KIAA0586: variants seen among roughly 807,000 people sequenced by gnomAD.
The protein encoded by KIAA0586 is KIAA0586.
A neutral mutation model predicts 169.8 loss-of-function variants in KIAA0586; 144 were observed. The observed-to-expected ratio is 0.85, with a 90% CI of 0.74 to 0.97. The LOEUF (loss-of-function observed/expected upper bound fraction) is 0.97. Among genes scored for constraint, KIAA0586 ranks in the 50% least tolerant of loss-of-function variants. The pLI is 0.00. For synonymous variants in KIAA0586, 625 were observed against 612.4 expected, an observed-to-expected ratio of 1.02 and a Z score of -0.30; for missense variants, 1,854 against 1,823.0, an observed-to-expected ratio of 1.02 and a Z score of -0.31.
chr14:58,492,591 C>T (rs920610680), intron 26 of KIAA0586, among the ~76,000 whole-genome samples: 1 of 152,146 alleles, frequency 6.6e-6, no homozygotes, highest in African/African-American at 2.4e-5. Flanking sequence ...AGACATGACC[C>T]CTACCTTTAA....
intron 28 of KIAA0586, among the ~76,000 whole-genome samples, chr14:58,512,147 G>A (rs2141475257): frequency 6.6e-6 from 1 of 152,274 alleles, no homozygotes; most frequent in South Asian, 2.1e-4. Flanking sequence ...TATGCAAAAA[G>A]TGGTTATATG....
intron 30 of KIAA0586, among the ~76,000 whole-genome samples, chr14:58,543,363 A>G (rs1006992758): frequency 6.6e-6 from 1 of 152,156 alleles, no homozygotes; most frequent in Non-Finnish European, 1.5e-5. Context: ...ATGTGTGGCC[A>G]GTGAGGTTAG....
chr14:58,508,692 G>T lies in KIAA0586; in HGVS notation c.4306G>T (p.Ala1436Ser). ...AAATGATGTTAATTTACCAGTAGCCGCTGAAGATTTTTCCCAGGTACCAAA... is the reference window on the plus strand; with the variant it reads ...AAATGATGTTAATTTACCAGTAGCCTCTGAAGATTTTTCCCAGGTACCAAA... ...QENDVNLPVA[A>S]EDFSQYQLKQ... is the part of the protein sequence containing the mutation. The change falls in exon 28 of 31, where the codon GCT becomes TCT. Residue 1436 changes from alanine to serine, a missense_variant. By Grantham distance (99) the Ala-to-Ser change is moderately conservative. Coordinates refer to ENST00000652326, the MANE Select transcript of KIAA0586 (RefSeq NM_001329943.3). 1 of 1,586,948 alleles carries T rather than the reference G, an allele frequency of 6.3e-7. No individual in the cohort carries two copies. Among genetic ancestry groups the T allele is most frequent in the Non-Finnish European group, 8.6e-7 (1 of 1,165,778 alleles).
rs58851367 is a variant in KIAA0586, at chr14:58,484,924, A to ATTTTTT, written c.3145-2061_3145-2056dup. 1.1e-3 allele frequency among the ~76,000 whole-genome samples: 15 copies of ATTTTTT among 13,050 alleles called. 2 individuals carry two copies. Among genetic ancestry groups the ATTTTTT allele is most frequent in the Non-Finnish European group, 1.5e-3 (11 of 7,522 alleles). The allele number at this position is 13,050 out of a possible 152,430, so 8.6% of individuals were successfully genotyped here. Reference sequence around the variant, plus strand: ...TATATATATATATATATATATATATATTTTTTTTTTTTTTTTTTTTTTTTT... The same window carrying ATTTTTT: ...TATATATATATATATATATATATATATTTTTTTTTTTTTTTTTTTTTTTTTTTTTTT... On this transcript the variant is annotated intron_variant, in intron 21 of 30. Transcript: ENST00000652326.
intron 30 of KIAA0586, 100 bp downstream of exon 30, chr14:58,540,236 C>CTATT: frequency 1.5e-6 from 1 of 647,358 alleles, no homozygotes; most frequent in Non-Finnish European, 2.6e-6. Context: ...AGTAGAAATA[C>CTATT]TAATAGCAAT....
chr14:58,454,447 A>G (rs1303425395), intron 9 of KIAA0586, among the ~76,000 whole-genome samples: 1 of 152,216 alleles, frequency 6.6e-6, no homozygotes, highest in Non-Finnish European at 1.5e-5. Flanking sequence ...AGAGATATGA[A>G]CAAAAATACA....
intron 4 of KIAA0586, among the ~76,000 whole-genome samples, chr14:58,434,854 T>C (rs552491676): frequency 2.4e-4 from 36 of 152,276 alleles, no homozygotes; most frequent in African/African-American, 8.4e-4. Context: ...CACTGCAGCC[T>C]TGACCTCCCA....
At chr14:58,507,177 A>ATG (rs570286731) in intron 27 of KIAA0586, among the ~76,000 whole-genome samples, 2,494 of 145,002 alleles carry the variant, frequency 0.017, 77 homozygotes, top group African/African-American at 0.06. Context: ...ATATATATAT[A>ATG]TGTGTATGTA....
chr14:58,523,359 A>G (rs542410374), intron 29 of KIAA0586, among the ~76,000 whole-genome samples: 2 of 152,192 alleles, frequency 1.3e-5, no homozygotes, highest in South Asian at 4.1e-4. Flanking sequence ...AAAACCATAC[A>G]CGAGGATTGT....
intron 24 of KIAA0586, among the ~76,000 whole-genome samples, chr14:58,489,536 T>A (rs1183111864): frequency 6.6e-6 from 1 of 152,142 alleles, no homozygotes; most frequent in Admixed American, 6.6e-5. Context: ...CTGAATTTTT[T>A]TTTTTACCAA....
At chr14:58,441,018 T>G (rs2038302935) in intron 4 of KIAA0586, 2 of 182,150 alleles carry the variant, frequency 1.1e-5, no homozygotes, top group Non-Finnish European at 2.4e-5. Flanking sequence ...AAAAGATAAT[T>G]ATGTGAAGTG....
At chr14:58,504,712 C>T (rs1203800430) in intron 27 of KIAA0586, among the ~76,000 whole-genome samples, 1 of 152,082 alleles carries the variant, frequency 6.6e-6, no homozygotes, top group Non-Finnish European at 1.5e-5. Flanking sequence ...TTGCATTATA[C>T]AGGTAAGACA....
At chr14:58,455,392 T>C (rs1186773255) in intron 9 of KIAA0586, among the ~76,000 whole-genome samples, 10 of 152,222 alleles carry the variant, frequency 6.6e-5, no homozygotes, top group Admixed American at 6.5e-4. Flanking sequence ...TTTCTTTGTA[T>C]GTCTCATAAA....
At chr14:58,500,545 A>G (rs909785159) in intron 27 of KIAA0586, among the ~76,000 whole-genome samples, 7 of 151,990 alleles carry the variant, frequency 4.6e-5, no homozygotes, top group Admixed American at 1.3e-4. Flanking sequence ...TCTCTACTAA[A>G]AATGCAAAAA....
intron 16 of KIAA0586, 77 bp from the exon 17 acceptor site, chr14:58,470,536 C>T: frequency 1.3e-6 from 1 of 793,988 alleles, no homozygotes; most frequent in South Asian, 1.7e-5. Context: ...CACACATATA[C>T]ATGTATATAC....
In KIAA0586 at chr14:58,453,981, C is replaced by T. The variant is rs559352969; in HGVS notation, c.1253+508C>T. ...ACTACAGTAATAAGAACTAGAGGAG[C>T]CATATGTTGAGTAATTTTATGTGGA... On this transcript the variant is annotated intron_variant, in intron 9 of 30. Coordinates refer to ENST00000652326, the MANE Select transcript of KIAA0586 (RefSeq NM_001329943.3). Among the ~76,000 whole-genome samples, 19 of 152,084 alleles carry T rather than the reference C, an allele frequency of 1.2e-4. 1 individual carries two copies. In the East Asian group the frequency reaches 3.7e-3, roughly 29 times the overall value.
intron 29 of KIAA0586, among the ~76,000 whole-genome samples, chr14:58,531,860 T>C (rs2045989652): frequency 6.6e-6 from 1 of 151,930 alleles, no homozygotes; most frequent in Non-Finnish European, 1.5e-5. Flanking sequence ...GCCATGTGTA[T>C]TATGACTAGT....
chr14:58,493,621 T>A (rs570163292), intron 26 of KIAA0586, among the ~76,000 whole-genome samples: 1 of 152,312 alleles, frequency 6.6e-6, no homozygotes, highest in Non-Finnish European at 1.5e-5. Context: ...TAGGAGAAGA[T>A]ATAAAATTTA....
At position 58,479,752 on chromosome 14, in the gene KIAA0586, A is replaced by G. The variant is rs1282126385; in HGVS notation, c.2944+2511A>G. On this transcript the variant is annotated intron_variant, in intron 20 of 30. Transcript: ENST00000652326. ...GTTTGGGGTTTTTTGGCATATGGAT[A>G]TCCAGCTGTTCTAATACCATTTGTT... Among the ~76,000 whole-genome samples, 89 of 152,268 alleles carry G rather than the reference A, an allele frequency of 5.8e-4. 1 individual carries two copies. The highest frequency in any genetic ancestry group is 7.4e-5 in the Non-Finnish European group (5 of 68,020).
Sources: allele counts gnomAD v4.1 joint callset (sites outside exome capture counted in the v4.1 genomes callset), GRCh38; gene constraint gnomAD v4.1.1; transcripts MANE v1.5; gene names NCBI Gene and HGNC (gene_info 2026-07-23, HGNC 2026-07-21).